KAZN: variants seen among roughly 807,000 people sequenced by gnomAD.
KAZN encodes kazrin.
In KAZN, 40 loss-of-function variants were observed where a neutral mutation model predicts 87.4. The ratio of observed to expected loss-of-function variants is 0.46; its 90% CI spans 0.36 to 0.60. The LOEUF (loss-of-function observed/expected upper bound fraction) is 0.60, where lower values mean the gene tolerates loss of function less well. Ranked by LOEUF, KAZN falls within the 20% of genes least tolerant of loss-of-function variation. KAZN has a pLI of 0.00. For missense variants in KAZN, 898 were observed against 1,073.9 expected (o/e 0.84, Z 2.29); for synonymous variants, 466 against 458.3 (o/e 1.02, Z -0.22).
At chr1:14,021,748 G>C (rs561139345) in intron 1 of KAZN, among the ~76,000 whole-genome samples, 3 of 152,296 alleles carry the variant, frequency 2.0e-5, no homozygotes, top group South Asian at 4.1e-4. Context: ...CCCAAGCAAA[G>C]TGTCCTGATG....
intron 2 of KAZN, among the ~76,000 whole-genome samples, chr1:15,022,829 CTG>C (rs1670822617): frequency 6.6e-6 from 1 of 152,240 alleles, no homozygotes; most frequent in Non-Finnish European, 1.5e-5. Context: ...CTGGTAGGCT[CTG>C]TGCACAGCTG....
chr1:14,087,694 C>T (rs1570707257), intron 1 of KAZN, among the ~76,000 whole-genome samples: 1 of 151,846 alleles, frequency 6.6e-6, no homozygotes, highest in South Asian at 2.1e-4. Flanking sequence ...ATTATTTTTA[C>T]ATCTATTAAG....
chr1:15,025,833 G>GGGGA (rs1318927263), intron 2 of KAZN, among the ~76,000 whole-genome samples: 2 of 152,184 alleles, frequency 1.3e-5, no homozygotes, highest in Non-Finnish European at 2.9e-5. Context: ...TTAACATTGT[G>GGGGA]GGGAGCAGAC....
At position 14,015,624 on chromosome 1, in the gene KAZN, G is replaced by T. The variant is rs188182590; in HGVS notation, c.91+121868G>T. ...GCCTCCCGAGTAGCTGGGATTACAG[G>T]TGCCTGCCACCACACCCAGCTCACA... On this transcript the variant is annotated intron_variant, in intron 1 of 16. Transcript: ENST00000636203. Among the ~76,000 whole-genome samples the T allele has an allele frequency of 4.7e-3, 689 of 147,952 alleles. 8 individuals carry two copies. The highest frequency in any genetic ancestry group is 0.014 in the African/African-American group (579 of 40,532).
chr1:14,054,819 G>A (rs72641633), intron 1 of KAZN, among the ~76,000 whole-genome samples: 5,810 of 152,274 alleles, frequency 0.038, 148 homozygotes, highest in Middle Eastern at 0.095. Context: ...ATGAGAAGTG[G>A]TGTCTGCCTC....
intron 2 of KAZN, among the ~76,000 whole-genome samples, chr1:14,486,372 G>A (rs1001855332): frequency 6.6e-6 from 1 of 152,160 alleles, no homozygotes; most frequent in Non-Finnish European, 1.5e-5. Flanking sequence ...AATGTATGTT[G>A]TGGGATGCTT....
At chr1:14,963,862 A>T (rs146415787) in intron 2 of KAZN, among the ~76,000 whole-genome samples, 1 of 151,920 alleles carries the variant, frequency 6.6e-6, no homozygotes, top group African/African-American at 2.4e-5. Context: ...ACTCCCACTT[A>T]TGAGTGAGAA....
At chr1:14,068,505 T>A (rs1011403238) in intron 1 of KAZN, among the ~76,000 whole-genome samples, 1 of 151,224 alleles carries the variant, frequency 6.6e-6, no homozygotes, top group African/African-American at 2.4e-5. Context: ...GGATATGCAT[T>A]AAAAAAAAAT....
At chr1:14,385,652 G>A (rs1204848864) in intron 2 of KAZN, among the ~76,000 whole-genome samples, 1 of 151,996 alleles carries the variant, frequency 6.6e-6, no homozygotes, top group Non-Finnish European at 1.5e-5. Flanking sequence ...CTGAGTTCTG[G>A]TTTGATTGCA....
chr1:14,099,099 C>T (rs530403678), intron 1 of KAZN, among the ~76,000 whole-genome samples: 11 of 152,242 alleles, frequency 7.2e-5, no homozygotes, highest in African/African-American at 2.2e-4. Flanking sequence ...TCCTGGACAA[C>T]TCTGCCAGGA....
At chr1:14,944,812 T>C (rs1661544014) in intron 1 of KAZN, among the ~76,000 whole-genome samples, 1 of 152,222 alleles carries the variant, frequency 6.6e-6, no homozygotes, top group Non-Finnish European at 1.5e-5. Context: ...TTCAGCACTT[T>C]GTCAATATCA....
rs201776047 is a variant in KAZN at position 15,044,003 on chromosome 1, G to T, written c.570G>T (p.Ala190=). The change falls in exon 4 of 15, where the codon GCG becomes GCT. Residue 190 remains alanine, a synonymous_variant. Transcript: ENST00000376030. The part of the protein sequence containing the change: ...YEQHRKESED[A]VKALAKEKDL... ...CCCACCCACAGGAGAGCGAGGATGC[G>T]GTCAAAGCGCTGGCCAAGGAGAAGG... The T allele has an allele frequency of 2.5e-6, 4 of 1,610,808 alleles. No homozygotes were observed. The East Asian group carries it at 8.9e-5, about 36-fold the overall frequency.
intron 2 of KAZN, among the ~76,000 whole-genome samples, chr1:14,528,401 A>G (rs1672027911): frequency 1.3e-5 from 2 of 151,588 alleles, no homozygotes; most frequent in Non-Finnish European, 2.9e-5. Flanking sequence ...TTTACTGAGA[A>G]TCTGCCACAC....
chr1:14,548,857 T>C (rs1673333503), intron 2 of KAZN, among the ~76,000 whole-genome samples: 1 of 152,240 alleles, frequency 6.6e-6, no homozygotes, highest in Non-Finnish European at 1.5e-5. Context: ...AATTGTTGGG[T>C]GTTAAGATAT....
At chr1:14,337,722 C>T (rs1344008064) in intron 2 of KAZN, among the ~76,000 whole-genome samples, 2 of 151,960 alleles carry the variant, frequency 1.3e-5, no homozygotes, top group Admixed American at 6.6e-5. Context: ...GGCAAAACAC[C>T]GTCTCTACTA....
At chr1:14,995,439 G>A (rs926015488) in intron 2 of KAZN, among the ~76,000 whole-genome samples, 9 of 152,058 alleles carry the variant, frequency 5.9e-5, no homozygotes, top group Admixed American at 2.6e-4. Flanking sequence ...CCTGGTCAAC[G>A]TGGTAAAACC....
intron 1 of KAZN, among the ~76,000 whole-genome samples, chr1:14,759,593 G>A (rs1644676500): frequency 1.3e-5 from 2 of 152,132 alleles, no homozygotes; most frequent in Admixed American, 1.3e-4. Flanking sequence ...AAGAGAGTGT[G>A]GCCAGCGTAC....
intron 1 of KAZN, among the ~76,000 whole-genome samples, chr1:14,691,580 G>A (rs10927505): frequency 0.39 from 59,614 of 151,940 alleles, 13,089 homozygotes; most frequent in South Asian, 0.53. Flanking sequence ...TCCGCCTCCT[G>A]GGTTCAAGTG....
At chr1:14,819,099 G>T (rs1458327578) in intron 1 of KAZN, among the ~76,000 whole-genome samples, 3 of 152,188 alleles carry the variant, frequency 2.0e-5, no homozygotes, top group African/African-American at 7.2e-5. Flanking sequence ...GTCCAAGAAA[G>T]TCGACATGTT....
Sources: gnomAD v4.1 joint callset for allele counts (sites outside exome capture counted in the v4.1 genomes callset) on GRCh38, gnomAD v4.1.1 for gene constraint, MANE v1.5 for transcripts, NCBI Gene and HGNC (gene_info 2026-07-23, HGNC 2026-07-21) for gene names.